Variants in L3MBTL3 observed in about 807,000 individuals in gnomAD.
The protein encoded by L3MBTL3 is L3MBTL histone methyl-lysine binding protein 3, also known as lethal(3)malignant brain tumor-like protein 3.
L3MBTL3 carries 27 observed loss-of-function variants against 102.3 expected under a neutral mutation model. The ratio of observed to expected loss-of-function variants is 0.26; its 90% CI spans 0.19 to 0.36. The LOEUF is 0.36. Among genes scored for constraint, L3MBTL3 ranks in the 10% least tolerant of loss-of-function variants. L3MBTL3 has a pLI of 1.00. For synonymous variants in L3MBTL3, 340 were observed against 320.9 expected, an observed-to-expected ratio of 1.06 and a Z score of -0.64; for missense variants, 798 against 955.3, an observed-to-expected ratio of 0.84 and a Z score of 2.17.
intron 2 of L3MBTL3, among the ~76,000 whole-genome samples, chr6:130,023,726 T>C (rs1195192442): frequency 1.3e-5 from 2 of 152,174 alleles, no homozygotes; most frequent in Non-Finnish European, 2.9e-5. Context: ...AGTGGTCATA[T>C]CATTTTACCT....
At chr6:130,023,965 A>G (rs564687368) in intron 2 of L3MBTL3, among the ~76,000 whole-genome samples, 72 of 152,196 alleles carry the variant, frequency 4.7e-4, no homozygotes, top group Non-Finnish European at 8.4e-4. Flanking sequence ...CAAAACCGGA[A>G]ATTTATTTAT....
intron 14 of L3MBTL3, among the ~76,000 whole-genome samples, chr6:130,083,302 A>G (rs1015935641): frequency 6.6e-6 from 1 of 152,044 alleles, no homozygotes. Flanking sequence ...CCTTTATTGC[A>G]TATGTCAGAT....
chr6:130,058,589 GACAA>G (rs1326496801), intron 9 of L3MBTL3, among the ~76,000 whole-genome samples: 1 of 152,078 alleles, frequency 6.6e-6, no homozygotes, highest in Non-Finnish European at 1.5e-5. Context: ...TCTCTAAACA[GACAA>G]ACAAAACACA....
At chr6:130,064,379 G>C (rs758424508) in intron 10 of L3MBTL3, among the ~76,000 whole-genome samples, 1 of 152,054 alleles carries the variant, frequency 6.6e-6, no homozygotes, top group South Asian at 2.1e-4. Flanking sequence ...TGTGTCCCAG[G>C]GTTGGATTTT....
chr6:130,049,229 A>C, intron 3 of L3MBTL3, 53 bp from the exon 4 acceptor site: 1 of 996,960 alleles, frequency 1.0e-6, no homozygotes, highest in Non-Finnish European at 1.6e-6. Flanking sequence ...TAAATAATTA[A>C]TGACTTTCCT....
At chr6:130,064,910 A>C (rs900256851) in intron 10 of L3MBTL3, among the ~76,000 whole-genome samples, 2 of 152,168 alleles carry the variant, frequency 1.3e-5, no homozygotes, top group Admixed American at 6.5e-5. Flanking sequence ...GCTGTAAATT[A>C]CTATAGGGCT....
At chr6:130,048,916 G>A (rs1298636409) in intron 3 of L3MBTL3, among the ~76,000 whole-genome samples, 3 of 145,274 alleles carry the variant, frequency 2.1e-5, no homozygotes, top group Admixed American at 6.9e-5. Context: ...AAAATACGAC[G>A]TAAGAAAAAA....
At chr6:130,069,012 C>A (rs1782455731) in intron 12 of L3MBTL3, among the ~76,000 whole-genome samples, 1 of 152,212 alleles carries the variant, frequency 6.6e-6, no homozygotes, top group Admixed American at 6.5e-5. Flanking sequence ...CAGTGGAAAA[C>A]CAAAATGCCA....
At chr6:130,024,174 T>C (rs1461075091) in intron 2 of L3MBTL3, among the ~76,000 whole-genome samples, 1 of 152,148 alleles carries the variant, frequency 6.6e-6, no homozygotes, top group Non-Finnish European at 1.5e-5. Context: ...AGTAATGATT[T>C]AAACTAACTA....
chr6:130,035,968 T>C (rs1204172932), intron 2 of L3MBTL3, among the ~76,000 whole-genome samples: 1 of 127,364 alleles, frequency 7.9e-6, no homozygotes, highest in Non-Finnish European at 1.6e-5. Flanking sequence ...GTGACTCTCT[T>C]ACCTACCTGT....
intron 22 of L3MBTL3, among the ~76,000 whole-genome samples, chr6:130,134,987 C>T (rs1355127196): frequency 6.7e-6 from 1 of 149,570 alleles, no homozygotes; most frequent in East Asian, 1.9e-4. Context: ...TCTGTTTGAT[C>T]TTTAATTGGC....
At chr6:130,131,727 C>T (rs1190634036) in intron 20 of L3MBTL3, among the ~76,000 whole-genome samples, 2 of 152,152 alleles carry the variant, frequency 1.3e-5, no homozygotes, top group Non-Finnish European at 2.9e-5. Context: ...TTATTTGTGC[C>T]TCCCCTTTTT....
chr6:130,025,076 CT>C (rs1171736058), intron 2 of L3MBTL3, among the ~76,000 whole-genome samples: 2 of 152,096 alleles, frequency 1.3e-5, no homozygotes, highest in Non-Finnish European at 2.9e-5. Context: ...TGAGGCGATT[CT>C]TTCTTTGACC....
intron 2 of L3MBTL3, among the ~76,000 whole-genome samples, chr6:130,035,946 G>T (rs1292646603): frequency 6.6e-6 from 1 of 151,434 alleles, no homozygotes; most frequent in Non-Finnish European, 1.5e-5. Context: ...AATACTGTTT[G>T]TGACTTGCAT....
intron 14 of L3MBTL3, among the ~76,000 whole-genome samples, chr6:130,079,228 C>T (rs778378402): frequency 3.9e-5 from 6 of 152,096 alleles, no homozygotes; most frequent in Admixed American, 6.6e-5. Context: ...AGAACTCACA[C>T]GCTCACTTTT....
At chr6:130,090,879 G>A (rs527535667) in intron 16 of L3MBTL3, among the ~76,000 whole-genome samples, 25 of 152,132 alleles carry the variant, frequency 1.6e-4, no homozygotes, top group African/African-American at 5.8e-4. Context: ...GAACCACTGA[G>A]CCTGGCCTCA....
intron 9 of L3MBTL3, among the ~76,000 whole-genome samples, chr6:130,057,915 G>T (rs539368289): frequency 6.6e-6 from 1 of 151,298 alleles, no homozygotes; most frequent in Non-Finnish European, 1.5e-5. Flanking sequence ...AGGCCGAGGC[G>T]GGTGGATCAC....
chr6:130,115,556 A>C (rs1241067093), intron 19 of L3MBTL3, among the ~76,000 whole-genome samples: 2 of 152,216 alleles, frequency 1.3e-5, no homozygotes, highest in African/African-American at 4.8e-5. Flanking sequence ...CACATATTCA[A>C]CTGCCATCCT....
At chr6:130,135,169 T>G (rs1582660287) in intron 22 of L3MBTL3, among the ~76,000 whole-genome samples, 1 of 150,282 alleles carries the variant, frequency 6.7e-6, no homozygotes. Context: ...GAGGCGATTC[T>G]CCTGCCTCAG....
Sources: gnomAD v4.1 joint callset for allele counts (sites outside exome capture counted in the v4.1 genomes callset) on GRCh38, gnomAD v4.1.1 for gene constraint, MANE v1.5 for transcripts, NCBI Gene and HGNC (gene_info 2026-07-23, HGNC 2026-07-21) for gene names.